The following SYNE2 variants were observed in gnomAD, a reference collection of about 807,000 sequenced individuals.
SYNE2 encodes spectrin repeat containing nuclear envelope protein 2.
In SYNE2, 431 loss-of-function variants were observed where a neutral mutation model predicts 856.3. That is an observed-to-expected ratio of 0.50 (90% CI 0.47 to 0.55). The LOEUF (loss-of-function observed/expected upper bound fraction) is 0.55. Ranked by LOEUF, SYNE2 falls within the 20% of genes least tolerant of loss-of-function variation. SYNE2 has a pLI of 0.00. For missense variants in SYNE2, 8,129 were observed against 8,023.2 expected (o/e 1.01, Z -0.50); for synonymous variants, 2,923 against 2,872.3 (o/e 1.02, Z -0.56).
intron 1 of SYNE2, among the ~76,000 whole-genome samples, chr14:63,894,111 G>A (rs1352810496): frequency 3.9e-5 from 6 of 152,004 alleles, no homozygotes. Flanking sequence ...AGTTTAAACA[G>A]TTTGTATAAG....
At chr14:63,966,768 C>T (rs2096398855) in intron 10 of SYNE2, among the ~76,000 whole-genome samples, 1 of 152,106 alleles carries the variant, frequency 6.6e-6, no homozygotes, top group Non-Finnish European at 1.5e-5. Context: ...CCATGTTGCT[C>T]AGGCTAGTTT....
intron 100 of SYNE2, among the ~76,000 whole-genome samples, chr14:64,203,289 G>A (rs561172201): frequency 6.6e-6 from 1 of 152,240 alleles, no homozygotes; most frequent in African/African-American, 2.4e-5. Flanking sequence ...GAAAGGCAAT[G>A]AATTGAAAGA....
intron 1 of SYNE2, among the ~76,000 whole-genome samples, chr14:63,893,313 G>A (rs1045285112): frequency 3.9e-5 from 6 of 152,182 alleles, no homozygotes; most frequent in Admixed American, 1.3e-4. Flanking sequence ...AATCGTAGCC[G>A]TTTGGGAGGC....
intron 1 of SYNE2, among the ~76,000 whole-genome samples, chr14:63,789,774 C>CAA (rs34875863): frequency 7.4e-5 from 9 of 121,868 alleles, no homozygotes; most frequent in East Asian, 4.7e-4. Context: ...AGACTTGTCT[C>CAA]AAAAAAAAAA....
chr14:63,796,972 G>A (rs1452957362), intron 1 of SYNE2, among the ~76,000 whole-genome samples: 3 of 151,654 alleles, frequency 2.0e-5, no homozygotes, highest in South Asian at 2.1e-4. Context: ...CCAGCTACTC[G>A]GGAGGCTGAG....
At position 64,053,589 on chromosome 14, in the gene SYNE2, G is replaced by A. The variant is rs2097244187; in HGVS notation, c.9676G>A (p.Val3226Met). 1.2e-6 allele frequency: 2 copies of A among 1,613,942 alleles called. No homozygotes were observed. Among genetic ancestry groups the A allele is most frequent in the African/African-American group, 2.7e-5 (2 of 74,942 alleles). Reference sequence around the variant, plus strand: ...AGAAAACTCTTCTGAAGCGAGTGATGTGGAGACAAAACTACGTGAGTTTGA... The same window carrying A: ...AGAAAACTCTTCTGAAGCGAGTGATATGGAGACAAAACTACGTGAGTTTGA... ...REENSSEASDVETKLREFEDL... is the reference protein window; with the variant it reads ...REENSSEASDMETKLREFEDL... Residue 3226 changes from valine (V) to methionine (M), a missense_variant, in exon 48 of 116, where the codon GTG (valine) becomes ATG (methionine). Around this residue, in one of 3 missense-constraint regions of SYNE2, gnomAD observed 5,410 missense variants for 5,284.8 expected, o/e 1.02. Transcript: ENST00000555002.
intron 93 of SYNE2, 49 bp downstream of exon 93, chr14:64,169,020 C>A (rs367688457): frequency 4.0e-5 from 57 of 1,438,384 alleles, no homozygotes; most frequent in Non-Finnish European, 5.4e-5. Flanking sequence ...GAAGGTAATG[C>A]ATTCAGTCAG....
At chr14:63,983,452 T>A (rs1299737935) in intron 17 of SYNE2, among the ~76,000 whole-genome samples, 2 of 152,196 alleles carry the variant, frequency 1.3e-5, no homozygotes, top group African/African-American at 4.8e-5. Flanking sequence ...AGCATTGTTT[T>A]GCCTACTAGA....
At chr14:64,081,372 T>C in intron 56 of SYNE2, 71 bp from the exon 57 acceptor site, 1 of 1,600,490 alleles carries the variant, frequency 6.2e-7, no homozygotes, top group Non-Finnish European at 8.6e-7. Context: ...AGCTATTGAC[T>C]CTTCATCTAG....
At chr14:63,970,111 C>T (rs879612234) in intron 11 of SYNE2, among the ~76,000 whole-genome samples, 1 of 152,022 alleles carries the variant, frequency 6.6e-6, no homozygotes, top group African/African-American at 2.4e-5. Context: ...TACTTTTCAT[C>T]TATTTGGAGT....
At chr14:63,982,519 CAA>C (rs71444636) in intron 16 of SYNE2, 109 bp from the exon 17 acceptor site, 12,242 of 691,824 alleles carry the variant, frequency 0.018, no homozygotes, top group Admixed American at 0.019. Context: ...GACTCCATCT[CAA>C]AAAAAAAAAA....
At chr14:64,151,420 TAAAAAAAAAAAA>T (rs540541655) in intron 84 of SYNE2, among the ~76,000 whole-genome samples, 837 of 19,198 alleles carry the variant, frequency 0.044, 12 homozygotes, top group Non-Finnish European at 0.054. Flanking sequence ...ACAAAGGATT[TAAAAAAAAAAAA>T]AAAAAAAAAA....
At chr14:64,119,836 G>C (rs2153664611) in intron 67 of SYNE2, among the ~76,000 whole-genome samples, 1 of 152,290 alleles carries the variant, frequency 6.6e-6, no homozygotes, top group South Asian at 2.1e-4. Context: ...CGGTGGTTTG[G>C]TTTGTGTTGG....
rs371740578 is a variant in SYNE2, at chr14:63,980,682, C to G, written c.1598C>G (p.Ala533Gly). The change falls in exon 15 of 116, where the codon GCT becomes GGT. Residue 533 changes from alanine to glycine, a missense_variant. Transcript: ENST00000555002. ...TTTATTGAAGAAAAAGAATTCCTAG[C>G]TCGACTTGATACTTCTTTTCAAAAA... ...HKFIEEKEFL[A>G]RLDTSFQKCG... The G allele has an allele frequency of 6.2e-7, 1 of 1,606,228 alleles. No homozygotes were observed. The highest frequency in any genetic ancestry group is 2.2e-5 in the East Asian group (1 of 44,682).
chr14:64,017,458 A>T (rs2096902173), intron 33 of SYNE2, 137 bp from the exon 34 acceptor site: 1 of 707,054 alleles, frequency 1.4e-6, no homozygotes, highest in Non-Finnish European at 2.4e-6. Flanking sequence ...TGTTAAAGCA[A>T]ATTTTTGTTG....
chr14:64,169,123 A>G (rs2098398003), intron 93 of SYNE2, 152 bp downstream of exon 93: 1 of 684,554 alleles, frequency 1.5e-6, no homozygotes, highest in Admixed American at 2.1e-5. Context: ...CTAACTATGT[A>G]GTGGGACTAG....
intron 6 of SYNE2, among the ~76,000 whole-genome samples, chr14:63,948,319 A>G (rs2096069959): frequency 6.6e-6 from 1 of 152,124 alleles, no homozygotes; most frequent in Non-Finnish European, 1.5e-5. Flanking sequence ...TGTTCAAAAT[A>G]TTTTCTAATT....
intron 1 of SYNE2, among the ~76,000 whole-genome samples, chr14:63,829,325 G>A (rs1176147962): frequency 1.3e-5 from 2 of 152,084 alleles, no homozygotes; most frequent in Admixed American, 6.6e-5. Context: ...GCTGAGGCGA[G>A]AGGATTGCTT....
chr14:63,989,422 C>T (rs958673133), intron 19 of SYNE2, among the ~76,000 whole-genome samples: 3 of 152,112 alleles, frequency 2.0e-5, no homozygotes, highest in African/African-American at 7.2e-5. Context: ...ACTACAATCT[C>T]TACCTCCCAG....
Sources: allele counts gnomAD v4.1 joint callset (sites outside exome capture counted in the v4.1 genomes callset), GRCh38; gene constraint gnomAD v4.1.1; regional missense constraint gnomAD v4.1.1; transcripts MANE v1.5; gene names NCBI Gene and HGNC (gene_info 2026-07-23, HGNC 2026-07-21).